Variants in AUTS2 observed in about 807,000 individuals in gnomAD.
AUTS2 encodes the protein autism susceptibility gene 2 protein.
A neutral mutation model predicts 112.4 loss-of-function variants in AUTS2; 17 were observed. The ratio of observed to expected loss-of-function variants is 0.15; its 90% CI spans 0.10 to 0.23. AUTS2 has a LOEUF of 0.23. AUTS2 is among the 10% of genes least tolerant of loss of function. The probability of loss-of-function intolerance (pLI) is 1.00; values close to 1 mark genes in which losing one functional copy is unlikely to be tolerated. For synonymous variants in AUTS2, 751 were observed against 702.7 expected (o/e 1.07, Z -1.09); for missense variants, 1,510 against 1,701.6 (o/e 0.89, Z 1.98).
intron 1 of AUTS2, among the ~76,000 whole-genome samples, chr7:69,626,378 A>G (rs544275883): frequency 1.3e-5 from 2 of 151,730 alleles, no homozygotes; most frequent in Non-Finnish European, 2.9e-5. Context: ...GTTATGTTTT[A>G]CTTAAACCCC....
At chr7:69,917,332 A>T in intron 2 of AUTS2, among the ~76,000 whole-genome samples, 1 of 140,148 alleles carries the variant, frequency 7.1e-6, no homozygotes, top group African/African-American at 2.7e-5. Context: ...TGCCCCTATC[A>T]CATCAGACTT....
chr7:70,446,950 G>A (rs1417123288), intron 5 of AUTS2, among the ~76,000 whole-genome samples: 1 of 152,154 alleles, frequency 6.6e-6, no homozygotes, highest in Non-Finnish European at 1.5e-5. Flanking sequence ...ACATAACCAG[G>A]TGCCGCCCAC....
At chr7:70,058,064 G>C (rs138838561) in intron 2 of AUTS2, among the ~76,000 whole-genome samples, 2 of 152,330 alleles carry the variant, frequency 1.3e-5, no homozygotes, top group African/African-American at 4.8e-5. Flanking sequence ...CATTGGAATA[G>C]CTTCTATTAG....
chr7:70,178,173 C>A (rs532644059), intron 4 of AUTS2, among the ~76,000 whole-genome samples: 1 of 152,118 alleles, frequency 6.6e-6, no homozygotes, highest in East Asian at 1.9e-4. Flanking sequence ...AGTTTGGGAC[C>A]CCTAACATGA....
intron 2 of AUTS2, among the ~76,000 whole-genome samples, chr7:70,073,025 C>CCCCCCCCTCCCTTCCCCTCCCCTCT (rs1802851916): frequency 1.7e-5 from 2 of 119,684 alleles, no homozygotes; most frequent in African/African-American, 3.4e-5. Flanking sequence ...CTCTCCCCTC[C>CCCCCCCCTCCCTTCCCCTCCCCTCT]CCTCCCCTCC....
intron 6 of AUTS2, among the ~76,000 whole-genome samples, chr7:70,762,374 C>A (rs576387554): frequency 6.6e-6 from 1 of 152,138 alleles, no homozygotes; most frequent in East Asian, 1.9e-4. Context: ...TGGGCTCAAG[C>A]GATCCTTCTA....
chr7:70,443,782 G>A (rs1246604505), intron 5 of AUTS2, among the ~76,000 whole-genome samples: 1 of 152,158 alleles, frequency 6.6e-6, no homozygotes, highest in Non-Finnish European at 1.5e-5. Flanking sequence ...GCTTAACTCT[G>A]ATGGAACTGT....
intron 1 of AUTS2, among the ~76,000 whole-genome samples, chr7:69,720,690 T>A (rs1798883510): frequency 6.6e-6 from 1 of 151,898 alleles, no homozygotes; most frequent in African/African-American, 2.4e-5. Flanking sequence ...AGAGGAAAAA[T>A]TGGGTAAGAT....
At chr7:70,074,879 C>A (rs1802954280) in intron 2 of AUTS2, among the ~76,000 whole-genome samples, 1 of 152,188 alleles carries the variant, frequency 6.6e-6, no homozygotes, top group Non-Finnish European at 1.5e-5. Context: ...CAAATTTGAA[C>A]CAATCTTGGC....
intron 2 of AUTS2, among the ~76,000 whole-genome samples, chr7:70,090,171 C>G (rs1006187558): frequency 1.3e-5 from 2 of 151,312 alleles, no homozygotes; most frequent in Non-Finnish European, 2.9e-5. Context: ...GGGGTTATAC[C>G]ATATCTTCAA....
At chr7:70,722,504 C>T (rs1206779557) in intron 6 of AUTS2, among the ~76,000 whole-genome samples, 1 of 152,178 alleles carries the variant, frequency 6.6e-6, no homozygotes, top group Non-Finnish European at 1.5e-5. Flanking sequence ...TTTTTCTCTT[C>T]CCCTCTTTTC....
intron 5 of AUTS2, among the ~76,000 whole-genome samples, chr7:70,526,719 A>G (rs1799855238): frequency 6.6e-6 from 1 of 152,088 alleles, no homozygotes; most frequent in Non-Finnish European, 1.5e-5. Context: ...TGCCCGTCCA[A>G]CTCCCTCTGC....
intron 1 of AUTS2, among the ~76,000 whole-genome samples, chr7:69,793,459 A>C (rs1028645954): frequency 6.6e-6 from 1 of 152,186 alleles, no homozygotes; most frequent in Admixed American, 6.5e-5. Flanking sequence ...GACAGTCCTG[A>C]CACAGAACTA....
At chr7:70,515,139 A>G (rs1470713936) in intron 5 of AUTS2, among the ~76,000 whole-genome samples, 1 of 152,194 alleles carries the variant, frequency 6.6e-6, no homozygotes, top group Non-Finnish European at 1.5e-5. Flanking sequence ...CATGCAGGTG[A>G]TGCTCAGGAG....
chr7:70,310,612 T>TAA lies in AUTS2; in HGVS notation c.661-125127_661-125126dup, dbSNP rs11449648. ...TGGGCGACTGAGCGAGACTCTGTCT[T>TAA]AAAAAAAAAAAAAAGAAAGAAGTCA... On this transcript the variant is annotated intron_variant, in intron 4 of 18. Coordinates refer to ENST00000342771, the MANE Select transcript of AUTS2 (RefSeq NM_015570.4). Among the ~76,000 whole-genome samples the TAA allele has an allele frequency of 2.1e-3, 302 of 142,666 alleles. 1 individual carries two copies. The highest frequency in any genetic ancestry group is 6.9e-3 in the African/African-American group (265 of 38,678). The allele number at this position is 142,666 out of a possible 152,430, so 93.6% of individuals were successfully genotyped here. A position where few individuals can be genotyped will look rare whatever the true frequency, so the allele number is the denominator to read the frequency against.
chr7:69,852,432 GTTTTC>G (rs909630883), intron 1 of AUTS2, among the ~76,000 whole-genome samples: 8 of 151,524 alleles, frequency 5.3e-5, no homozygotes, highest in African/African-American at 1.2e-4. Flanking sequence ...TGCTTTCCCT[GTTTTC>G]TTTTCTTTTT....
intron 4 of AUTS2, chr7:70,194,904 T>G (rs1810093889): frequency 6.6e-6 from 1 of 152,164 alleles, no homozygotes; most frequent in South Asian, 2.1e-4. Context: ...ATAAGAGGTG[T>G]TATCTCAGAC....
chr7:69,996,942 C>T (rs1370974730), intron 2 of AUTS2, among the ~76,000 whole-genome samples: 1 of 62,910 alleles, frequency 1.6e-5, no homozygotes, highest in African/African-American at 8.0e-5. Context: ...TAACCTGGAA[C>T]ACTTAAAAAA....
intron 1 of AUTS2, among the ~76,000 whole-genome samples, chr7:69,784,592 A>G (rs919010459): frequency 2.0e-5 from 3 of 152,208 alleles, no homozygotes; most frequent in African/African-American, 7.2e-5. Context: ...TTAAGAGGAA[A>G]TGAGCAACTG....
Sources: allele counts gnomAD v4.1 joint callset (sites outside exome capture counted in the v4.1 genomes callset), GRCh38; gene constraint gnomAD v4.1.1; transcripts MANE v1.5; gene names NCBI Gene and HGNC (gene_info 2026-07-23, HGNC 2026-07-21).